LAMA1: variants seen among roughly 807,000 people sequenced by gnomAD.
LAMA1 encodes the protein laminin subunit alpha 1.
In LAMA1, 219 loss-of-function variants were observed where a neutral mutation model predicts 348.7. The ratio of observed to expected loss-of-function variants is 0.63; its 90% CI spans 0.56 to 0.70. The LOEUF (loss-of-function observed/expected upper bound fraction) is 0.70, where lower values mean the gene tolerates loss of function less well. Among genes scored for constraint, LAMA1 ranks in the 30% least tolerant of loss-of-function variants. The pLI, the probability that LAMA1 is intolerant of heterozygous loss-of-function variation, is 0.00. For synonymous variants in LAMA1, 1,487 were observed against 1,491.0 expected (o/e 1.00, Z 0.06); for missense variants, 3,744 against 3,888.0 (o/e 0.96, Z 0.99).
chr18:7,080,849 A>G (rs982465468), intron 1 of LAMA1, among the ~76,000 whole-genome samples: 1 of 152,214 alleles, frequency 6.6e-6, no homozygotes, highest in Admixed American at 6.5e-5. Flanking sequence ...GTTCTACCTC[A>G]AAAATAAATA....
chr18:6,983,208 G>A lies in LAMA1; in HGVS notation c.5687C>T (p.Ser1896Phe). 6.2e-7 allele frequency: 1 copy of A among 1,614,096 alleles called. No individual in the cohort carries two copies. The highest frequency in any genetic ancestry group is 8.5e-7 in the Non-Finnish European group (1 of 1,180,014). ...ATAGGCTGCACTGGTGGCATTCAGG[G>A]ACACATTTCTGATGTTTTCAAGGCC... is the stretch of plus-strand genomic sequence containing the variant. ...YSGLENIRNV[S>F]LNATSAAYVH... The change falls in exon 40 of 63, where the codon TCC becomes TTC. Residue 1896 changes from serine to phenylalanine, a missense_variant. By Grantham distance (155) the Ser-to-Phe change is radical. Coordinates refer to ENST00000389658, the MANE Select transcript of LAMA1 (RefSeq NM_005559.4).
rs1353395612 is a variant in LAMA1 at position 6,983,037 on chromosome 18, T to A, written c.5796+62A>T. The A allele has an allele frequency of 3.1e-6, 5 of 1,611,770 alleles. No individual in the cohort carries two copies. In the East Asian group the frequency reaches 1.1e-4, roughly 36 times the overall value. ...GAAATTGGGGCCACTGAATCTCTGC[T>A]CAAACCCGGTACAGAAAAATCTCCC... is the stretch of plus-strand genomic sequence containing the variant. On this transcript the variant is annotated intron_variant, in intron 40 of 62. Transcript: ENST00000389658.
At chr18:7,093,693 C>G (rs28507678) in intron 1 of LAMA1, among the ~76,000 whole-genome samples, 16,191 of 151,728 alleles carry the variant, frequency 0.11, 2,539 homozygotes, top group African/African-American at 0.35. Flanking sequence ...GGAAGATGAC[C>G]CTTTAGCATT....
At chr18:6,952,980 G>A (rs111972531) in intron 57 of LAMA1, among the ~76,000 whole-genome samples, 18 of 88,432 alleles carry the variant, frequency 2.0e-4, no homozygotes, top group African/African-American at 5.8e-4. Context: ...TGTGTCCGGC[G>A]GATCCACGCC....
chr18:7,042,454 G>A, intron 8 of LAMA1: 1 of 546,356 alleles, frequency 1.8e-6, no homozygotes, highest in Non-Finnish European at 3.3e-6. Flanking sequence ...GCAGTAGTTA[G>A]TACCCTTAGC....
chr18:7,097,891 G>T (rs867909756), intron 1 of LAMA1, among the ~76,000 whole-genome samples: 1 of 149,522 alleles, frequency 6.7e-6, no homozygotes, highest in Non-Finnish European at 1.5e-5. Flanking sequence ...CTCTTTCCAC[G>T]GTCTCCCTCT....
chr18:7,042,598 A>G, intron 8 of LAMA1: 1 of 301,306 alleles, frequency 3.3e-6, no homozygotes, highest in Non-Finnish European at 6.4e-6. Context: ...AGATTGGCTG[A>G]ACACGGCCAG....
intron 36 of LAMA1, among the ~76,000 whole-genome samples, chr18:6,988,973 T>A (rs2057747546): frequency 6.6e-6 from 1 of 152,166 alleles, no homozygotes. Flanking sequence ...CGAGGTGGGC[T>A]GCGTTCCCAC....
At chr18:7,019,010 T>C (rs1429182777) in intron 19 of LAMA1, among the ~76,000 whole-genome samples, 2 of 152,052 alleles carry the variant, frequency 1.3e-5, no homozygotes, top group Non-Finnish European at 2.9e-5. Context: ...ATCAACCCCG[T>C]AGCTGGACCG....
intron 60 of LAMA1, 68 bp from the exon 61 acceptor site, chr18:6,947,364 C>T (rs2143967542): frequency 6.2e-7 from 1 of 1,601,286 alleles, no homozygotes; most frequent in Non-Finnish European, 8.5e-7. Context: ...ATTTGGCCTC[C>T]TGGCTAGGGG....
Position 7,009,228 on chromosome 18 carries a change from G to T in LAMA1, c.4001+11C>A. 1 of 1,614,064 alleles carries T rather than the reference G, an allele frequency of 6.2e-7. No individual in the cohort carries two copies. The highest frequency in any genetic ancestry group is 8.5e-7 in the Non-Finnish European group (1 of 1,179,976). On this transcript the variant is annotated intron_variant, in intron 27 of 62. Coordinates refer to ENST00000389658, the MANE Select transcript of LAMA1 (RefSeq NM_005559.4). ...GAAAATAACGGTCAAAATTCTAGAAGCTCCAAGTACCTGCTCTGCTGTAAT... is the reference window on the plus strand; with the variant it reads ...GAAAATAACGGTCAAAATTCTAGAATCTCCAAGTACCTGCTCTGCTGTAAT...
chr18:7,077,901 G>A (rs1217688548), intron 3 of LAMA1, among the ~76,000 whole-genome samples: 3 of 151,338 alleles, frequency 2.0e-5, no homozygotes, highest in East Asian at 2.0e-4. Flanking sequence ...AGCCGAGGCC[G>A]GTGGATCACC....
At chr18:7,059,296 T>C (rs552275077) in intron 3 of LAMA1, among the ~76,000 whole-genome samples, 1 of 152,336 alleles carries the variant, frequency 6.6e-6, no homozygotes, top group Admixed American at 6.5e-5. Context: ...TAAGGTTGGC[T>C]GAACACAAAT....
intron 3 of LAMA1, among the ~76,000 whole-genome samples, chr18:7,055,112 CTGTGTG>C (rs147015838): frequency 1.4e-4 from 21 of 145,312 alleles, no homozygotes; most frequent in African/African-American, 4.3e-4. Flanking sequence ...CAAGGGTCAG[CTGTGTG>C]TGTGTGTGTG....
intron 51 of LAMA1, among the ~76,000 whole-genome samples, chr18:6,964,292 T>C (rs931306732): frequency 6.6e-6 from 1 of 152,202 alleles, no homozygotes; most frequent in Non-Finnish European, 1.5e-5. Context: ...ATCCTCCTTA[T>C]GTGTGAATGT....
At chr18:7,007,592 A>G (rs1185490108) in intron 28 of LAMA1, among the ~76,000 whole-genome samples, 1 of 152,200 alleles carries the variant, frequency 6.6e-6, no homozygotes, top group African/African-American at 2.4e-5. Context: ...CCAAAGATGG[A>G]AAATACAAGT....
rs769167410 is a variant in LAMA1 at position 6,950,932 on chromosome 18, G to A, written c.8247C>T (p.Ser2749=). 1.9e-5 allele frequency: 31 copies of A among 1,613,984 alleles called. No individual in the cohort carries two copies. Among genetic ancestry groups the A allele is most frequent in the East Asian group, 1.8e-4 (8 of 44,892 alleles). Reference sequence around the variant, plus strand: ...GATGAGCCATGTAGTAAATCAGGCCGCTGGAGGCGAACGTGCGGATGCTTA... The same window carrying A: ...GATGAGCCATGTAGTAAATCAGGCCACTGGAGGCGAACGTGCGGATGCTTA... ...VELSIRTFAS[S]GLIYYMAHQN... The change falls in exon 58 of 63, where the codon AGC becomes AGT. Residue 2749 remains serine (S), a synonymous_variant. Coordinates refer to ENST00000389658, the MANE Select transcript of LAMA1 (RefSeq NM_005559.4).
intron 34 of LAMA1, among the ~76,000 whole-genome samples, chr18:6,994,865 G>C (rs974020985): frequency 1.3e-5 from 2 of 152,102 alleles, no homozygotes; most frequent in East Asian, 3.9e-4. Flanking sequence ...TTGCCATTCA[G>C]GGCCCTAAAA....
Position 7,018,336 on chromosome 18 carries a change from C to CAAAAAA in LAMA1, c.2702-958_2702-953dup, listed in dbSNP as rs764975447. Among the ~76,000 whole-genome samples, 79 of 44,036 alleles carry CAAAAAA rather than the reference C, an allele frequency of 1.8e-3. 1 individual carries two copies. Among genetic ancestry groups the CAAAAAA allele is most frequent in the African/African-American group, 3.8e-3 (37 of 9,850 alleles). 28.9% of individuals were successfully genotyped at this position (44,036 alleles called of 152,430 possible). A position where few individuals can be genotyped will look rare whatever the true frequency, so the allele number is the denominator to read the frequency against. On this transcript the variant is annotated intron_variant, in intron 19 of 62. Transcript: ENST00000389658. ...GAGCGACAAGTGTGAAACTCCATCT[C>CAAAAAA]AAAAAAAAAAAAAAAAAAAAAAGAA...
Sources: gnomAD v4.1 joint callset for allele counts (sites outside exome capture counted in the v4.1 genomes callset) on GRCh38, gnomAD v4.1.1 for gene constraint, MANE v1.5 for transcripts, NCBI Gene and HGNC (gene_info 2026-07-23, HGNC 2026-07-21) for gene names.